The following COLEC12 variants were observed in gnomAD, a reference collection of about 807,000 sequenced individuals.
The protein encoded by COLEC12 is collectin-12.
COLEC12 carries 33 observed loss-of-function variants against 71.1 expected under a neutral mutation model. The observed-to-expected ratio is 0.46, with a 90% CI of 0.35 to 0.62. The LOEUF is 0.62. COLEC12 is among the 20% of genes least tolerant of loss of function. COLEC12 has a pLI of 0.00. For synonymous variants in COLEC12, 350 were observed against 353.0 expected, an observed-to-expected ratio of 0.99 and a Z score of 0.10; for missense variants, 765 against 916.1, an observed-to-expected ratio of 0.84 and a Z score of 2.13.
At chr18:348,270 C>A in intron 3 of COLEC12, 107 bp from the exon 4 acceptor site, 4 of 653,950 alleles carry the variant, frequency 6.1e-6, no homozygotes, top group South Asian at 2.1e-5. Flanking sequence ...ACAGATTGAA[C>A]GAAAACAGTG....
At chr18:337,674 ACTCCTC>A (rs1241474810) in intron 5 of COLEC12, among the ~76,000 whole-genome samples, 1 of 151,740 alleles carries the variant, frequency 6.6e-6, no homozygotes, top group South Asian at 2.1e-4. Context: ...GCTCCTGTTG[ACTCCTC>A]CTTGTCTTCA....
chr18:395,676 C>T (rs187921169), intron 2 of COLEC12, among the ~76,000 whole-genome samples: 1 of 152,276 alleles, frequency 6.6e-6, no homozygotes, highest in Admixed American at 6.5e-5. Context: ...AGCACGTTTA[C>T]ATTTGAGACT....
Position 375,858 on chromosome 18 carries a change from G to C in COLEC12, c.59-18336C>G, listed in dbSNP as rs80006428. Among the ~76,000 whole-genome samples, 693 of 152,302 alleles carry C rather than the reference G, an allele frequency of 4.6e-3. 2 individuals carry two copies. Among genetic ancestry groups the C allele is most frequent in the Non-Finnish European group, 7.1e-3 (481 of 68,034 alleles). ...CATAAAGTCGTTGAGGAGATTAAAT[G>C]AATTAATGCCTGTAAAACACCTGAA... is the stretch of plus-strand genomic sequence containing the variant. On this transcript the variant is annotated intron_variant, in intron 2 of 9. Transcript: ENST00000400256.
At chr18:341,753 A>G (rs1171333479) in intron 5 of COLEC12, among the ~76,000 whole-genome samples, 1 of 152,216 alleles carries the variant, frequency 6.6e-6, no homozygotes, top group Non-Finnish European at 1.5e-5. Flanking sequence ...TCATAACTCT[A>G]AAAGGTACAC....
At chr18:415,340 T>C (rs1567901167) in intron 2 of COLEC12, among the ~76,000 whole-genome samples, 2 of 152,170 alleles carry the variant, frequency 1.3e-5, no homozygotes, top group Non-Finnish European at 2.9e-5. Flanking sequence ...TACTGCTGCC[T>C]TTTCCTTGTA....
chr18:487,755 C>A (rs1284711041), intron 1 of COLEC12, among the ~76,000 whole-genome samples: 2 of 152,106 alleles, frequency 1.3e-5, no homozygotes, highest in Non-Finnish European at 2.9e-5. Flanking sequence ...GGGAATTTGA[C>A]CAACTAATAA....
intron 5 of COLEC12, among the ~76,000 whole-genome samples, chr18:345,071 T>A (rs548393136): frequency 2.6e-5 from 4 of 152,330 alleles, no homozygotes; most frequent in African/African-American, 7.2e-5. Context: ...ACTCAGGCCC[T>A]TGTGTAATCC....
In COLEC12 at chr18:480,637, G is replaced by A; in HGVS notation, c.58+70C>T. Reference sequence around the variant, plus strand: ...AAGGGCCTGCCAGTGGCCTGCCAATGGTCTCTGAGGGTTCGTGGCTGCATC... The same window carrying A: ...AAGGGCCTGCCAGTGGCCTGCCAATAGTCTCTGAGGGTTCGTGGCTGCATC... On this transcript the variant is annotated intron_variant, in intron 2 of 9. Transcript: ENST00000400256. The surrounding 1 kb of genome is among the most constrained non-coding windows in gnomAD (Gnocchi z 4.1). 4 of 1,368,608 alleles carry A rather than the reference G, an allele frequency of 2.9e-6. No individual in the cohort carries two copies. Among genetic ancestry groups the A allele is most frequent in the Non-Finnish European group, 4.2e-6 (4 of 956,114 alleles). 84.8% of individuals were successfully genotyped at this position (1,368,608 alleles called of 1,614,324 possible).
chr18:401,229 A>G (rs1482251906), intron 2 of COLEC12, among the ~76,000 whole-genome samples: 1 of 152,228 alleles, frequency 6.6e-6, no homozygotes, highest in Non-Finnish European at 1.5e-5. Flanking sequence ...GGAGGCTTGT[A>G]CAACCTTCTT....
chr18:487,424 C>CA (rs1215907764), intron 1 of COLEC12, among the ~76,000 whole-genome samples: 1 of 151,856 alleles, frequency 6.6e-6, no homozygotes, highest in Admixed American at 6.6e-5. Flanking sequence ...GTGAATATAA[C>CA]AAAAAAACAT....
chr18:459,603 A>G (rs1375327586), intron 2 of COLEC12, among the ~76,000 whole-genome samples: 2 of 152,252 alleles, frequency 1.3e-5, no homozygotes, highest in African/African-American at 4.8e-5. Flanking sequence ...AAGGGGCCCC[A>G]GCGCAGCTTT....
intron 2 of COLEC12, among the ~76,000 whole-genome samples, chr18:404,393 G>A (rs1915745035): frequency 6.6e-6 from 1 of 152,192 alleles, no homozygotes; most frequent in Non-Finnish European, 1.5e-5. Context: ...TATCAGTGTG[G>A]CAGCAATTTA....
At chr18:347,431 C>T in intron 4 of COLEC12, 90 bp from the exon 5 acceptor site, 2 of 1,081,126 alleles carry the variant, frequency 1.8e-6, no homozygotes, top group Non-Finnish European at 2.7e-6. Flanking sequence ...AATCGGTATG[C>T]ACTGTATTTT....
chr18:456,437 C>A (rs1916873362), intron 2 of COLEC12, among the ~76,000 whole-genome samples: 1 of 152,162 alleles, frequency 6.6e-6, no homozygotes, highest in Non-Finnish European at 1.5e-5. Flanking sequence ...AGACGCTTTA[C>A]ACAAGGAGGG....
intron 5 of COLEC12, among the ~76,000 whole-genome samples, chr18:343,443 T>C (rs1456819193): frequency 6.6e-6 from 1 of 151,756 alleles, no homozygotes; most frequent in Non-Finnish European, 1.5e-5. Flanking sequence ...CCTTCTCCAC[T>C]GCCAGCATTC....
chr18:486,236 A>G (rs1327798460), intron 1 of COLEC12, among the ~76,000 whole-genome samples: 2 of 151,828 alleles, frequency 1.3e-5, no homozygotes, highest in Non-Finnish European at 2.9e-5. Flanking sequence ...TCCAGGCTGG[A>G]GTGCAGTGGA....
intron 1 of COLEC12, among the ~76,000 whole-genome samples, chr18:499,487 C>T (rs1917777496): frequency 6.6e-6 from 1 of 152,216 alleles, no homozygotes. Flanking sequence ...CGGACGGCAA[C>T]CCTAGAAGTC....
At chr18:456,728 C>T (rs1476989468) in intron 2 of COLEC12, among the ~76,000 whole-genome samples, 1 of 152,210 alleles carries the variant, frequency 6.6e-6, no homozygotes, top group Non-Finnish European at 1.5e-5. Flanking sequence ...CAAAGAGCAG[C>T]CCGCTGACTG....
intron 2 of COLEC12, among the ~76,000 whole-genome samples, chr18:369,064 C>T (rs1157466501): frequency 6.6e-6 from 1 of 152,156 alleles, no homozygotes; most frequent in Non-Finnish European, 1.5e-5. Flanking sequence ...GTATTCACAC[C>T]ATTGAAATCA....
Sources: gnomAD v4.1 joint callset for allele counts (sites outside exome capture counted in the v4.1 genomes callset) on GRCh38, gnomAD v4.1.1 for gene constraint, Gnocchi (gnomAD v3.1) non-coding constraint, MANE v1.5 for transcripts, NCBI Gene and HGNC (gene_info 2026-07-23, HGNC 2026-07-21) for gene names.